The following PTPN20 variants were observed in gnomAD, a reference collection of about 807,000 sequenced individuals.
The protein encoded by PTPN20 is tyrosine-protein phosphatase non-receptor type 20.
Under a neutral mutation model 35.0 loss-of-function variants are expected in PTPN20, and 9 were observed. That is an observed-to-expected ratio of 0.26 (90% CI 0.15 to 0.45). PTPN20 has a LOEUF of 0.45. Ranked by LOEUF, PTPN20 falls within the 20% of genes least tolerant of loss-of-function variation. The pLI, the probability that PTPN20 is intolerant of heterozygous loss-of-function variation, is 1.00. For synonymous variants in PTPN20, 32 were observed against 100.2 expected (o/e 0.32, Z 4.06); for missense variants, 111 against 312.5 (o/e 0.36, Z 4.86).
chr10:46,947,417 T>C (rs2045252311), intron 5 of PTPN20, among the ~76,000 whole-genome samples: 3 of 150,988 alleles, frequency 2.0e-5, no homozygotes, highest in African/African-American at 7.3e-5. Flanking sequence ...TATGCAATTA[T>C]TAAAATGCAG....
At chr10:46,932,328 A>G (rs1415604713) in intron 1 of PTPN20, 49 bp from the exon 2 acceptor site, 17 of 1,573,330 alleles carry the variant, frequency 1.1e-5, no homozygotes, top group Admixed American at 1.9e-5. Flanking sequence ...AAGCTGTGAT[A>G]GCTCCAGTTG....
intron 7 of PTPN20, among the ~76,000 whole-genome samples, chr10:46,980,065 T>G (rs1439126680): frequency 6.7e-6 from 1 of 149,522 alleles, no homozygotes; most frequent in South Asian, 2.1e-4. Flanking sequence ...AGGAGATATA[T>G]CCAACAAAAA....
intron 1 of PTPN20, among the ~76,000 whole-genome samples, chr10:46,922,915 C>T (rs1274764977): frequency 8.1e-6 from 1 of 123,898 alleles, no homozygotes; most frequent in Non-Finnish European, 1.6e-5. Flanking sequence ...AGAAACTTTG[C>T]CCCAGGCTGG....
intron 7 of PTPN20, among the ~76,000 whole-genome samples, chr10:46,968,479 C>G (rs2051348510): frequency 6.6e-6 from 1 of 151,802 alleles, no homozygotes; most frequent in Non-Finnish European, 1.5e-5. Flanking sequence ...TGCTCTCCAA[C>G]AGGAGGCTGC....
intron 2 of PTPN20, among the ~76,000 whole-genome samples, chr10:46,937,053 C>T (rs2041880462): frequency 1.3e-5 from 2 of 151,548 alleles, no homozygotes; most frequent in African/African-American, 4.9e-5. Flanking sequence ...GAAAAACTTC[C>T]TTTAACTTTT....
At chr10:46,994,559 C>T (rs2058692264) in intron 9 of PTPN20, among the ~76,000 whole-genome samples, 2 of 152,060 alleles carry the variant, frequency 1.3e-5, no homozygotes, top group Non-Finnish European at 2.9e-5. Flanking sequence ...TGGTCTCGAT[C>T]TCCTGACCTC....
chr10:47,002,992 C>T (rs1035778957), downstream of PTPN20, among the ~76,000 whole-genome samples: 44 of 151,958 alleles, frequency 2.9e-4, no homozygotes, highest in African/African-American at 1.0e-3. Context: ...TAATTTTTTT[C>T]TAATTCCTCG....
intron 5 of PTPN20, among the ~76,000 whole-genome samples, chr10:46,951,617 C>G (rs1555146442): frequency 6.6e-6 from 1 of 151,808 alleles, no homozygotes; most frequent in African/African-American, 2.4e-5. Context: ...CAGTTTATTG[C>G]TAAATATTAT....
At chr10:46,994,863 C>A (rs35263342) in intron 9 of PTPN20, among the ~76,000 whole-genome samples, 67,760 of 151,746 alleles carry the variant, frequency 0.45, 15,435 homozygotes, top group South Asian at 0.55. Flanking sequence ...TTTCAAGCTC[C>A]CTGATTCTTT....
chr10:46,931,568 G>A (rs2039616383), intron 1 of PTPN20, among the ~76,000 whole-genome samples: 1 of 142,906 alleles, frequency 7.0e-6, no homozygotes, highest in Non-Finnish European at 1.5e-5. Context: ...TCTAATTTTT[G>A]TAGAGACAGG....
chr10:46,923,668 T>A (rs2036160566), intron 1 of PTPN20, among the ~76,000 whole-genome samples: 1 of 151,498 alleles, frequency 6.6e-6, no homozygotes, highest in South Asian at 2.1e-4. Context: ...TTGTTGATTA[T>A]TTTGGGTTTT....
At chr10:47,000,638 A>G in intron 10 of PTPN20, 38 bp from the exon 11 acceptor site, 2 of 1,607,370 alleles carry the variant, frequency 1.2e-6, no homozygotes, top group South Asian at 2.2e-5. Context: ...TTATTCAATT[A>G]CTTAACATTC....
intron 2 of PTPN20, among the ~76,000 whole-genome samples, chr10:46,937,950 C>T (rs1229526389): frequency 2.7e-4 from 34 of 127,126 alleles, no homozygotes; most frequent in Admixed American, 4.9e-4. Flanking sequence ...TTTTTCTTTT[C>T]TTTTTTTTTT....
intron 2 of PTPN20, among the ~76,000 whole-genome samples, 176 bp downstream of exon 2, chr10:46,932,709 C>A (rs1439251376): frequency 3.8e-4 from 58 of 151,394 alleles, no homozygotes; most frequent in Middle Eastern, 3.4e-3. Context: ...TAAGCCATCA[C>A]GCTTAGAGTA....
chr10:47,000,910 T>C lies in PTPN20; in HGVS notation c.*169T>C. ...TCCCTGAAGGGCAATATCATTTGGC[T>C]TGGGGTGATCAGTGTTTACTTATTG... On this transcript the variant is annotated 3_prime_UTR_variant, in exon 11 of 11. Transcript: ENST00000374339. 1.3e-6 allele frequency: 1 copy of C among 786,820 alleles called. No homozygotes were observed. The highest frequency in any genetic ancestry group is 1.7e-5 in the African/African-American group (1 of 57,932). 48.7% of individuals were successfully genotyped at this position (786,820 alleles called of 1,614,324 possible).
chr10:46,988,798 T>G (rs2057329728), intron 9 of PTPN20, among the ~76,000 whole-genome samples: 1 of 152,280 alleles, frequency 6.6e-6, no homozygotes, highest in South Asian at 2.1e-4. Flanking sequence ...TGTTTTATAG[T>G]TTTCCTCATA....
At chr10:46,926,482 G>A (rs1251007124) in intron 1 of PTPN20, among the ~76,000 whole-genome samples, 1 of 151,638 alleles carries the variant, frequency 6.6e-6, no homozygotes, top group African/African-American at 2.4e-5. Flanking sequence ...GCTGCTCTGT[G>A]ATTACCCTGG....
At chr10:46,964,518 C>T (rs1281607318) in intron 5 of PTPN20, among the ~76,000 whole-genome samples, 3 of 144,540 alleles carry the variant, frequency 2.1e-5, no homozygotes, top group Non-Finnish European at 3.1e-5. Flanking sequence ...TGTGTGTGCA[C>T]GTGTGTGCGT....
At chr10:46,926,329 A>T (rs1373982703) in intron 1 of PTPN20, among the ~76,000 whole-genome samples, 1 of 151,808 alleles carries the variant, frequency 6.6e-6, no homozygotes, top group African/African-American at 2.4e-5. Flanking sequence ...ATATTTTTAT[A>T]TTAAGAAGAT....
Sources: allele counts gnomAD v4.1 joint callset (sites outside exome capture counted in the v4.1 genomes callset), GRCh38; gene constraint gnomAD v4.1.1; transcripts MANE v1.5; gene names NCBI Gene and HGNC (gene_info 2026-07-23, HGNC 2026-07-21).